Variants in PRIM1 observed in about 807,000 individuals in gnomAD.
PRIM1 encodes the protein DNA primase small subunit.
Under a neutral mutation model 60.2 loss-of-function variants are expected in PRIM1, and 38 were observed. That is an observed-to-expected ratio of 0.63 (90% CI 0.49 to 0.83). The LOEUF (loss-of-function observed/expected upper bound fraction) is 0.83. Ranked by LOEUF, PRIM1 falls within the 40% of genes least tolerant of loss-of-function variation. The probability of loss-of-function intolerance (pLI) is 0.00; values close to 1 mark genes in which losing one functional copy is unlikely to be tolerated. For missense variants in PRIM1, 388 were observed against 506.2 expected, an observed-to-expected ratio of 0.77 and a Z score of 2.24; for synonymous variants, 158 against 160.2, an observed-to-expected ratio of 0.99 and a Z score of 0.10.
intron 5 of PRIM1, among the ~76,000 whole-genome samples, chr12:56,744,398 C>T (rs1232893449): frequency 1.3e-5 from 2 of 151,798 alleles, no homozygotes; most frequent in East Asian, 3.9e-4. Context: ...GAGGCTGAGG[C>T]AGGAGAGTCG....
chr12:56,745,959 G>C (rs1953903550), intron 5 of PRIM1, 86 bp downstream of exon 5: 6 of 1,221,624 alleles, frequency 4.9e-6, no homozygotes, highest in Non-Finnish European at 6.7e-6. Flanking sequence ...AAAAAAGATA[G>C]TTTCATTTTC....
chr12:56,739,588 C>T (rs1458013965), intron 9 of PRIM1, among the ~76,000 whole-genome samples: 2 of 152,156 alleles, frequency 1.3e-5, no homozygotes, highest in Non-Finnish European at 2.9e-5. Context: ...AGAGTACATA[C>T]AGTAGCATGG....
At position 56,751,169 on chromosome 12, in the gene PRIM1, C is replaced by G; in HGVS notation, c.130G>C (p.Glu44Gln). The change falls in exon 2 of 13, where the codon GAA becomes CAA. Residue 44 changes from glutamate to glutamine, a missense_variant. By Grantham distance (29) the Glu-to-Gln change is conservative (BLOSUM62 2). Transcript: ENST00000338193. ...GVIKNYFQHR[E>Q]FSFTLKDDIY... is the part of the protein sequence containing the mutation. ...TCATCTTTCAATGTGAATGAAAATT[C>G]ACGGTGTTGAAAGTAATTCTTTATC... 6.4e-7 allele frequency: 1 copy of G among 1,554,148 alleles called. No homozygotes were observed. The highest frequency in any genetic ancestry group is 8.7e-7 in the Non-Finnish European group (1 of 1,148,736).
Position 56,741,829 on chromosome 12 carries a change from C to CA in PRIM1, c.756dup (p.Asp253Ter). ...TTTTGGAAGCTTTGTTGAAGTTCAT[C>CA]ATGAATTGGTGATGGGTCATTAAGG... On this transcript the variant is annotated frameshift_variant, in exon 8 of 13. Transcript: ENST00000338193. LOFTEE classifies it high-confidence loss of function. 1 of 1,613,916 alleles carries CA rather than the reference C, an allele frequency of 6.2e-7. No homozygotes were observed. The highest frequency in any genetic ancestry group is 8.5e-7 in the Non-Finnish European group (1 of 1,179,838).
intron 11 of PRIM1, 77 bp from the exon 12 acceptor site, chr12:56,734,322 T>C: frequency 4.4e-6 from 4 of 903,352 alleles, no homozygotes; most frequent in Non-Finnish European, 6.7e-6. Flanking sequence ...AAGTTTCTTA[T>C]AAGAATTCTC....
In PRIM1 at chr12:56,731,669, T is replaced by C; in HGVS notation, c.*46A>G. ...AATGGCTCTTGAAGTATTTGATCTG[T>C]GGTTGAAGGCAGAAGATATCCACAA... On this transcript the variant is annotated 3_prime_UTR_variant, in exon 13 of 13. Coordinates refer to ENST00000338193, the MANE Select transcript of PRIM1 (RefSeq NM_000946.3). The C allele has an allele frequency of 1.4e-6, 2 of 1,471,770 alleles. No individual in the cohort carries two copies. The highest frequency in any genetic ancestry group is 1.8e-6 in the Non-Finnish European group (2 of 1,082,890). The allele number at this position is 1,471,770 out of a possible 1,614,324, so 91.2% of individuals were successfully genotyped here.
At chr12:56,734,778 T>TATATATGTATATA (rs1555228415) in intron 11 of PRIM1, among the ~76,000 whole-genome samples, 1 of 140,298 alleles carries the variant, frequency 7.1e-6, no homozygotes, top group African/African-American at 2.7e-5. Flanking sequence ...TCTTTTATAT[T>TATATATGTATATA]TATATATATA....
intron 2 of PRIM1, among the ~76,000 whole-genome samples, chr12:56,750,258 C>A (rs1396470465): frequency 6.6e-6 from 1 of 152,168 alleles, no homozygotes; most frequent in African/African-American, 2.4e-5. Flanking sequence ...TCTACAAAGG[C>A]AAACTGTTAG....
At chr12:56,742,152 C>A in intron 7 of PRIM1, 1 of 322,374 alleles carries the variant, frequency 3.1e-6, no homozygotes, top group South Asian at 2.9e-5. Context: ...ACTCTGGAGG[C>A]TGAGGCAGGA....
chr12:56,735,383 C>A (rs1275466521), intron 11 of PRIM1, among the ~76,000 whole-genome samples: 1 of 152,146 alleles, frequency 6.6e-6, no homozygotes, highest in Non-Finnish European at 1.5e-5. Context: ...CAGGCGTGAG[C>A]CACCGTGCCC....
At chr12:56,747,065 A>C in intron 2 of PRIM1, 33 bp from the exon 3 acceptor site, 2 of 1,526,536 alleles carry the variant, frequency 1.3e-6, no homozygotes, top group Non-Finnish European at 1.8e-6. Flanking sequence ...AGTTTCTATA[A>C]GAGCTGCCAC....
intron 4 of PRIM1, 77 bp downstream of exon 4, chr12:56,746,703 CA>C: frequency 8.2e-7 from 1 of 1,219,080 alleles, no homozygotes; most frequent in South Asian, 1.3e-5. Context: ...TCACAAAATA[CA>C]GAGACTAATA....
chr12:56,732,430 T>A (rs1372394268), intron 12 of PRIM1, among the ~76,000 whole-genome samples: 1 of 152,222 alleles, frequency 6.6e-6, no homozygotes, highest in African/African-American at 2.4e-5. Flanking sequence ...TCTCCAGTGC[T>A]ACTGTTCTAG....
In PRIM1 at chr12:56,746,943, A is replaced by G. The variant is rs752881918; in HGVS notation, c.351T>C (p.Asp117=). ...VFDIDMTDYD[D]VRRCCSSADI... ...GTGCTCACCTACAACATCTCCTCAC[A>G]TCGTCATAGTCTGTCATGTCAATGT... The change falls in exon 3 of 13, where the codon GAT becomes GAC. Residue 117 remains aspartate (D), a synonymous_variant. Transcript: ENST00000338193. 5.6e-6 allele frequency: 9 copies of G among 1,613,662 alleles called. No homozygotes were observed. In the African/African-American group the frequency reaches 9.3e-5, roughly 17 times the overall value.
intron 12 of PRIM1, among the ~76,000 whole-genome samples, chr12:56,732,858 ATT>A (rs796125586): frequency 6.9e-6 from 1 of 145,108 alleles, no homozygotes; most frequent in Non-Finnish European, 1.5e-5. Flanking sequence ...GGGATTAGAA[ATT>A]TTTTTTTTTT....
At position 56,741,450 on chromosome 12, in the gene PRIM1, C is replaced by T; in HGVS notation, c.967G>A (p.Val323Ile). The change falls in exon 9 of 13, where the codon GTT becomes ATT. Residue 323 changes from valine to isoleucine, a missense_variant. This residue lies in a region of PRIM1 where 211 missense variants were observed against 277.9 expected (regional missense o/e 0.76). Coordinates refer to ENST00000338193, the MANE Select transcript of PRIM1 (RefSeq NM_000946.3). ...TGTGTAGTACCTGTTTTAGGATGAA[C>T]ACTAAAAGGGCTCTTCAGTAGATGA... is the stretch of plus-strand genomic sequence containing the variant. ...INHLLKSPFSVHPKTGRISVP... is the reference protein window; with the variant it reads ...INHLLKSPFSIHPKTGRISVP... 2.5e-6 allele frequency: 4 copies of T among 1,612,368 alleles called. No individual in the cohort carries two copies. The highest frequency in any genetic ancestry group is 1.7e-4 in the Middle Eastern group (1 of 6,056).
At chr12:56,752,050 A>C (rs1164345968) in intron 1 of PRIM1, 146 bp downstream of exon 1, 1 of 430,080 alleles carries the variant, frequency 2.3e-6, no homozygotes, top group Non-Finnish European at 4.2e-6. Flanking sequence ...ACACCTATGA[A>C]GTGGTGGGGC....
At chr12:56,731,766 A>G in intron 12 of PRIM1, 32 bp from the exon 13 acceptor site, 1 of 1,453,598 alleles carries the variant, frequency 6.9e-7, no homozygotes, top group Non-Finnish European at 9.3e-7. Context: ...ATGGAAGAAC[A>G]GCAAAGGAAA....
At position 56,738,852 on chromosome 12, in the gene PRIM1, G is replaced by A. The variant is rs149218364; in HGVS notation, c.1053-327C>T. ...GGCATGAGCCACCGCGCCTCACCACGAACAAGAGAAGTTTAATGTTGGTTT... is the reference window on the plus strand; with the variant it reads ...GGCATGAGCCACCGCGCCTCACCACAAACAAGAGAAGTTTAATGTTGGTTT... On this transcript the variant is annotated intron_variant, in intron 10 of 12. Coordinates refer to ENST00000338193, the MANE Select transcript of PRIM1 (RefSeq NM_000946.3). Among the ~76,000 whole-genome samples, 26 of 152,190 alleles carry A rather than the reference G, an allele frequency of 1.7e-4. No homozygotes were observed. In the East Asian group the frequency reaches 3.5e-3, roughly 20 times the overall value.
Sources: gnomAD v4.1 joint callset for allele counts (sites outside exome capture counted in the v4.1 genomes callset) on GRCh38, gnomAD v4.1.1 for gene constraint, gnomAD v4.1.1 regional missense constraint, MANE v1.5 for transcripts, NCBI Gene and HGNC (gene_info 2026-07-23, HGNC 2026-07-21) for gene names.